CNTNAP2: variants seen among roughly 807,000 people sequenced by gnomAD.
The protein encoded by CNTNAP2 is contactin-associated protein-like 2.
In CNTNAP2, 98 loss-of-function variants were observed where a neutral mutation model predicts 155.2. The observed-to-expected ratio is 0.63, with a 90% CI of 0.54 to 0.75. The LOEUF (loss-of-function observed/expected upper bound fraction) is 0.75, where lower values mean the gene tolerates loss of function less well. CNTNAP2 is among the 30% of genes least tolerant of loss of function. CNTNAP2 has a pLI of 0.00. For synonymous variants in CNTNAP2, 651 were observed against 631.2 expected (o/e 1.03, Z -0.47); for missense variants, 1,727 against 1,688.1 (o/e 1.02, Z -0.40).
intron 1 of CNTNAP2, among the ~76,000 whole-genome samples, chr7:146,333,223 G>C (rs911040787): frequency 2.0e-5 from 3 of 152,030 alleles, no homozygotes; most frequent in African/African-American, 7.2e-5. Context: ...GGGATTACTA[G>C]CATGAGCCAC....
chr7:147,801,482 G>A (rs941060801), intron 13 of CNTNAP2, among the ~76,000 whole-genome samples: 6 of 151,902 alleles, frequency 3.9e-5, no homozygotes, highest in African/African-American at 1.2e-4. Context: ...CTTCCGCAGT[G>A]TTTGTGTCCC....
chr7:147,316,742 A>C (rs962409544), intron 9 of CNTNAP2, among the ~76,000 whole-genome samples: 2 of 152,224 alleles, frequency 1.3e-5, no homozygotes, highest in African/African-American at 2.4e-5. Flanking sequence ...GCAACAACAT[A>C]GTCATCAATA....
chr7:146,402,919 T>G (rs1795735778), intron 1 of CNTNAP2, among the ~76,000 whole-genome samples: 1 of 152,134 alleles, frequency 6.6e-6, no homozygotes, highest in South Asian at 2.1e-4. Context: ...ATAATTGCAT[T>G]TTTATACTTT....
At chr7:147,398,746 A>G (rs902117987) in intron 10 of CNTNAP2, among the ~76,000 whole-genome samples, 2 of 146,928 alleles carry the variant, frequency 1.4e-5, no homozygotes, top group African/African-American at 5.1e-5. Context: ...TGCATACTAG[A>G]TGTCATGCTA....
At chr7:147,093,138 G>T (rs1256691715) in intron 4 of CNTNAP2, among the ~76,000 whole-genome samples, 1 of 150,998 alleles carries the variant, frequency 6.6e-6, no homozygotes, top group Non-Finnish European at 1.5e-5. Flanking sequence ...CTACTCAGGA[G>T]GCTGAGGCAG....
At chr7:146,834,993 T>C (rs1269146598) in intron 2 of CNTNAP2, among the ~76,000 whole-genome samples, 1 of 152,168 alleles carries the variant, frequency 6.6e-6, no homozygotes, top group Admixed American at 6.5e-5. Flanking sequence ...ATGTTCCTCA[T>C]GAAAGACTGA....
intron 9 of CNTNAP2, among the ~76,000 whole-genome samples, chr7:147,392,214 G>A (rs931389376): frequency 6.6e-5 from 10 of 151,780 alleles, no homozygotes; most frequent in South Asian, 2.1e-4. Context: ...GAGCCATCAC[G>A]CTTCTTTTAA....
At chr7:148,189,883 G>A (rs1795176745) in intron 18 of CNTNAP2, 1 of 152,138 alleles carries the variant, frequency 6.6e-6, no homozygotes, top group African/African-American at 2.4e-5. Flanking sequence ...TCTTGCAGCT[G>A]GGTAACTGCC....
chr7:146,621,484 T>C (rs1022829136), intron 1 of CNTNAP2, among the ~76,000 whole-genome samples: 6 of 152,206 alleles, frequency 3.9e-5, no homozygotes, highest in African/African-American at 1.4e-4. Flanking sequence ...TGGCTATGAC[T>C]GTTTCTCAGA....
chr7:147,501,088 A>G (rs1392169661), intron 11 of CNTNAP2, among the ~76,000 whole-genome samples: 1 of 152,098 alleles, frequency 6.6e-6, no homozygotes, highest in African/African-American at 2.4e-5. Flanking sequence ...TATCTAAATT[A>G]GCAAATGTGA....
intron 8 of CNTNAP2, among the ~76,000 whole-genome samples, chr7:147,189,275 GA>G (rs1411239289): frequency 6.6e-6 from 1 of 152,090 alleles, no homozygotes; most frequent in Admixed American, 6.5e-5. Context: ...TCATCTTACA[GA>G]AAAACATTAA....
chr7:146,839,994 A>G, intron 3 of CNTNAP2, 90 bp downstream of exon 3: 1 of 1,378,066 alleles, frequency 7.3e-7, no homozygotes, highest in Admixed American at 1.9e-5. Context: ...ATAGTTATCA[A>G]TATTTATGTA....
chr7:146,361,227 G>A (rs1198159684), intron 1 of CNTNAP2, among the ~76,000 whole-genome samples: 2 of 151,970 alleles, frequency 1.3e-5, no homozygotes, highest in Admixed American at 6.6e-5. Flanking sequence ...CTTATTTTTC[G>A]ACTAAATGCC....
rs189527574 is a variant in CNTNAP2 at position 148,398,994 on chromosome 7, G to A, written c.3716-10397G>A. ...CCCTAGAAACTGGGGCTATTTCTAT[G>A]ACTCAGCAAACAACCAATTCTTGCT... On this transcript the variant is annotated intron_variant, in intron 22 of 23. Transcript: ENST00000361727. Among the ~76,000 whole-genome samples the A allele has an allele frequency of 5.3e-3, 807 of 152,284 alleles. 7 individuals are homozygous for A. Among genetic ancestry groups the A allele is most frequent in the African/African-American group, 0.018 (740 of 41,550 alleles).
chr7:148,045,217 C>G (rs1181901146), intron 15 of CNTNAP2, among the ~76,000 whole-genome samples: 2 of 152,102 alleles, frequency 1.3e-5, no homozygotes, highest in Non-Finnish European at 2.9e-5. Flanking sequence ...CACGCAGGCT[C>G]CACCAGTGTG....
chr7:146,388,087 TTTTTA>T (rs1795486442), intron 1 of CNTNAP2, among the ~76,000 whole-genome samples: 1 of 151,622 alleles, frequency 6.6e-6, no homozygotes, highest in Non-Finnish European at 1.5e-5. Flanking sequence ...TTTTAGTTTC[TTTTTA>T]TTTTTTTTTT....
chr7:148,304,722 G>A (rs1797458133), intron 21 of CNTNAP2, among the ~76,000 whole-genome samples: 1 of 152,158 alleles, frequency 6.6e-6, no homozygotes, highest in Non-Finnish European at 1.5e-5. Flanking sequence ...TCTGTTTTTA[G>A]TCAGTCACTG....
At chr7:147,635,660 T>C (rs1460377266) in intron 12 of CNTNAP2, among the ~76,000 whole-genome samples, 1 of 152,190 alleles carries the variant, frequency 6.6e-6, no homozygotes, top group Non-Finnish European at 1.5e-5. Context: ...GTAGAGACTC[T>C]TCAATCTCAG....
In CNTNAP2 at chr7:146,430,487, T is replaced by G. The variant is rs182777082; in HGVS notation, c.97+313514T>G. On this transcript the variant is annotated intron_variant, in intron 1 of 23. Coordinates refer to ENST00000361727, the MANE Select transcript of CNTNAP2 (RefSeq NM_014141.6). ...ATCTTTCACAGAAGTAGACAGGATA[T>G]GAATGAATGAATAGATAAGCAAATG... 3.3e-5 allele frequency among the ~76,000 whole-genome samples: 5 copies of G among 152,182 alleles called. No homozygotes were observed. In the East Asian group the frequency reaches 9.7e-4, roughly 29 times the overall value.
Sources: gnomAD v4.1 joint callset for allele counts (sites outside exome capture counted in the v4.1 genomes callset) on GRCh38, gnomAD v4.1.1 for gene constraint, MANE v1.5 for transcripts, NCBI Gene and HGNC (gene_info 2026-07-23, HGNC 2026-07-21) for gene names.